GC: variants seen among roughly 807,000 people sequenced by gnomAD.
GC encodes the protein GC vitamin D binding protein.
In GC, 43 loss-of-function variants were observed where a neutral mutation model predicts 56.7. The ratio of observed to expected loss-of-function variants is 0.76; its 90% CI spans 0.59 to 0.98. The LOEUF is 0.98. Among genes scored for constraint, GC ranks in the 50% least tolerant of loss-of-function variants. The pLI, the probability that GC is intolerant of heterozygous loss-of-function variation, is 0.00. For synonymous variants in GC, 216 were observed against 202.7 expected (o/e 1.07, Z -0.56); for missense variants, 529 against 545.9 (o/e 0.97, Z 0.31).
rs76295463 is a variant in GC, at chr4:71,763,690, G to T, written c.606+114C>A. On this transcript the variant is annotated intron_variant, in intron 5 of 12. Coordinates refer to ENST00000273951, the MANE Select transcript of GC (RefSeq NM_000583.4). ...TATTTTCCAATTAAGAAGATGCAAGGGTGGCATTTTAGAAACTTTTACTGA... is the reference window on the plus strand; with the variant it reads ...TATTTTCCAATTAAGAAGATGCAAGTGTGGCATTTTAGAAACTTTTACTGA... 1,560 of 882,630 alleles carry T rather than the reference G, an allele frequency of 1.8e-3. 19 individuals carry two copies. Among genetic ancestry groups the T allele is most frequent in the Admixed American group, 0.017 (731 of 43,328 alleles). The allele number at this position is 882,630 out of a possible 1,614,324, so 54.7% of individuals were successfully genotyped here. A position where few individuals can be genotyped will look rare whatever the true frequency, so the allele number is the denominator to read the frequency against.
chr4:71,774,892 A>C (rs1742458398), intron 1 of GC, among the ~76,000 whole-genome samples: 1 of 151,974 alleles, frequency 6.6e-6, no homozygotes, highest in Non-Finnish European at 1.5e-5. Flanking sequence ...TGAGTTAGAG[A>C]ATTACTCTAT....
chr4:71,769,345 C>G lies in GC; in HGVS notation c.114G>C (p.Glu38Asp), dbSNP rs1209670776. ...VCKEFSHLGK[E>D]DFTSLSLVLY... ...TGCACACTTACAGAGATGTGAAGTC[C>G]TCCTTTCCCAGATGGGAGAATTCCT... Residue 38 changes from glutamate to aspartate, a missense_variant, in exon 2 of 13, where the codon GAG (glutamate) becomes GAC (aspartate). By Grantham distance (45) the Glu-to-Asp change is conservative. Coordinates refer to ENST00000273951, the MANE Select transcript of GC (RefSeq NM_000583.4). 2 of 1,611,356 alleles carry G rather than the reference C, an allele frequency of 1.2e-6. No homozygotes were observed. Among genetic ancestry groups the G allele is most frequent in the African/African-American group, 2.7e-5 (2 of 74,852 alleles).
At chr4:71,757,152 G>A (rs904357445) in intron 7 of GC, among the ~76,000 whole-genome samples, 2 of 152,010 alleles carry the variant, frequency 1.3e-5, no homozygotes, top group South Asian at 2.1e-4. Context: ...TAGATAAAAC[G>A]ACAACAACTA....
At chr4:71,791,155 C>T (rs1389876706) in intron 1 of GC, among the ~76,000 whole-genome samples, 1 of 152,082 alleles carries the variant, frequency 6.6e-6, no homozygotes, top group African/African-American at 2.4e-5. Flanking sequence ...ACATTTCCTA[C>T]ATTTAAAAAG....
At chr4:71,791,319 T>C (rs1472384977) in intron 1 of GC, among the ~76,000 whole-genome samples, 1 of 152,122 alleles carries the variant, frequency 6.6e-6, no homozygotes, top group Non-Finnish European at 1.5e-5. Flanking sequence ...TATCTTCTGA[T>C]AAGGAGTTGA....
chr4:71,748,790 G>T (rs1741458637), intron 11 of GC, among the ~76,000 whole-genome samples: 1 of 152,114 alleles, frequency 6.6e-6, no homozygotes, highest in Non-Finnish European at 1.5e-5. Flanking sequence ...ACTAAGTATG[G>T]TTCAGAAGCC....
At chr4:71,803,816 G>A in intron 1 of GC, 1 of 705,750 alleles carries the variant, frequency 1.4e-6, no homozygotes, top group East Asian at 2.7e-5. Context: ...GCTTTGCACA[G>A]AAATCCTCTG....
intron 1 of GC, among the ~76,000 whole-genome samples, chr4:71,793,989 C>T (rs1175108573): frequency 1.3e-5 from 2 of 152,198 alleles, no homozygotes; most frequent in East Asian, 3.8e-4. Flanking sequence ...ACCAGCCTTG[C>T]ATCCCAGGGA....
At chr4:71,779,520 G>A (rs1742609367) in intron 1 of GC, among the ~76,000 whole-genome samples, 1 of 151,830 alleles carries the variant, frequency 6.6e-6, no homozygotes, top group Non-Finnish European at 1.5e-5. Flanking sequence ...GTGAGATAAT[G>A]TGGAGGCCAG....
chr4:71,792,978 T>C (rs1180373208), intron 1 of GC, among the ~76,000 whole-genome samples: 2 of 151,894 alleles, frequency 1.3e-5, no homozygotes, highest in African/African-American at 4.8e-5. Flanking sequence ...TGTAGATGGG[T>C]GGTGTTATTT....
At chr4:71,746,745 A>G (rs1055315825) in intron 11 of GC, among the ~76,000 whole-genome samples, 4 of 148,020 alleles carry the variant, frequency 2.7e-5, no homozygotes, top group Non-Finnish European at 5.9e-5. Context: ...TGGAGAAGAA[A>G]TCAAGGTCCA....
chr4:71,801,051 C>T (rs749360029), intron 1 of GC, among the ~76,000 whole-genome samples: 10 of 152,116 alleles, frequency 6.6e-5, no homozygotes, highest in Non-Finnish European at 1.2e-4. Context: ...TGACAACCCA[C>T]GGATTGAGAG....
chr4:71,765,930 T>C (rs937690593), intron 3 of GC, among the ~76,000 whole-genome samples: 2 of 152,152 alleles, frequency 1.3e-5, no homozygotes, highest in African/African-American at 4.8e-5. Flanking sequence ...AGAATTGTAT[T>C]CTCTAGCCTA....
chr4:71,776,059 T>C (rs1231079890), intron 1 of GC, among the ~76,000 whole-genome samples: 1 of 152,024 alleles, frequency 6.6e-6, no homozygotes, highest in Non-Finnish European at 1.5e-5. Flanking sequence ...GGTGGAAATA[T>C]ACATTAGTAC....
chr4:71,794,604 C>A (rs186307829), intron 1 of GC, among the ~76,000 whole-genome samples: 68 of 152,100 alleles, frequency 4.5e-4, no homozygotes, highest in African/African-American at 1.1e-3. Flanking sequence ...TTTTAAAAAA[C>A]CAGCTCCTGG....
chr4:71,753,441 C>T (rs1476499633), intron 10 of GC, among the ~76,000 whole-genome samples: 2 of 148,246 alleles, frequency 1.3e-5, no homozygotes, highest in Non-Finnish European at 3.0e-5. Flanking sequence ...TAGGTTTGAG[C>T]TGCCGGGGGG....
chr4:71,751,901 CTT>C (rs1200191466), intron 11 of GC, among the ~76,000 whole-genome samples: 1 of 151,926 alleles, frequency 6.6e-6, no homozygotes, highest in Non-Finnish European at 1.5e-5. Context: ...GAAAATAACT[CTT>C]ATAGTAATGA....
intron 1 of GC, among the ~76,000 whole-genome samples, chr4:71,800,422 T>C (rs1743221041): frequency 6.6e-6 from 1 of 152,244 alleles, no homozygotes; most frequent in Admixed American, 6.5e-5. Context: ...CATTCCTTTT[T>C]ATGGCTGCAT....
At chr4:71,756,327 T>C (rs181921057) in intron 8 of GC, among the ~76,000 whole-genome samples, 87 of 152,348 alleles carry the variant, frequency 5.7e-4, no homozygotes, top group African/African-American at 2.0e-3. Flanking sequence ...TCACTTACAT[T>C]TCTACATGCA....
Sources: allele counts gnomAD v4.1 joint callset (sites outside exome capture counted in the v4.1 genomes callset), GRCh38; gene constraint gnomAD v4.1.1; transcripts MANE v1.5; gene names NCBI Gene and HGNC (gene_info 2026-07-23, HGNC 2026-07-21).